The following IL1RAPL1 variants were observed in gnomAD, a reference collection of about 807,000 sequenced individuals.
IL1RAPL1 encodes interleukin 1 receptor accessory protein like 1, also known as interleukin-1 receptor accessory protein-like 1.
Under a neutral mutation model 48.4 loss-of-function variants are expected in IL1RAPL1, and 3 were observed. The ratio of observed to expected loss-of-function variants is 0.06; its 90% CI spans 0.03 to 0.16. The LOEUF (loss-of-function observed/expected upper bound fraction) is 0.16. IL1RAPL1 is among the 10% of genes least tolerant of loss of function. IL1RAPL1 has a pLI of 1.00. For synonymous variants in IL1RAPL1, 185 were observed against 187.7 expected (o/e 0.99, Z 0.12); for missense variants, 349 against 530.6 (o/e 0.66, Z 3.36).
intron 2 of IL1RAPL1, among the ~76,000 whole-genome samples, chrX:28,972,811 C>T (rs1925117683): frequency 9.0e-6 from 1 of 111,255 alleles, no homozygotes; most frequent in South Asian, 3.8e-4. Flanking sequence ...CGGGCATTTT[C>T]CATTACACCT....
chrX:28,825,082 G>T (rs1165200311), intron 2 of IL1RAPL1, among the ~76,000 whole-genome samples: 1 of 111,616 alleles, frequency 9.0e-6, no homozygotes, highest in Non-Finnish European at 1.9e-5. Flanking sequence ...CAGAATTCTA[G>T]CATTTAGCAT....
At chrX:28,736,130 T>C in intron 1 of IL1RAPL1, among the ~76,000 whole-genome samples, 1 of 111,569 alleles carries the variant, frequency 9.0e-6, no homozygotes, top group Non-Finnish European at 1.9e-5. Flanking sequence ...ACAATCCTTG[T>C]TCATTAAAAT....
At chrX:29,265,156 G>A (rs1205972614) in intron 2 of IL1RAPL1, among the ~76,000 whole-genome samples, 2 of 110,685 alleles carry the variant, frequency 1.8e-5, no homozygotes, top group Non-Finnish European at 3.8e-5. Context: ...CAGGTGATCC[G>A]CCCACCTCGG....
chrX:28,618,604 G>A (rs1934248437), intron 1 of IL1RAPL1, among the ~76,000 whole-genome samples: 1 of 111,669 alleles, frequency 9.0e-6, no homozygotes, highest in Non-Finnish European at 1.9e-5. Context: ...TTATTGGATT[G>A]GACCAAGTGA....
intron 5 of IL1RAPL1, among the ~76,000 whole-genome samples, chrX:29,607,723 A>G (rs1405570186): frequency 9.0e-6 from 1 of 111,665 alleles, no homozygotes; most frequent in Non-Finnish European, 1.9e-5. Context: ...GCTGGCTGAT[A>G]TTTGTTTTAC....
At chrX:29,465,236 C>A (rs1297880658) in intron 5 of IL1RAPL1, among the ~76,000 whole-genome samples, 1 of 110,404 alleles carries the variant, frequency 9.1e-6, no homozygotes, top group Non-Finnish European at 1.9e-5. Flanking sequence ...GAGTCCCTGT[C>A]TCTACAAAAA....
intron 5 of IL1RAPL1, among the ~76,000 whole-genome samples, chrX:29,517,600 T>C (rs1935460016): frequency 8.9e-6 from 1 of 111,821 alleles, no homozygotes; most frequent in Non-Finnish European, 1.9e-5. Context: ...GACATCATCA[T>C]ATTCATGATT....
intron 1 of IL1RAPL1, among the ~76,000 whole-genome samples, chrX:28,762,813 CACACACACACAGAGAGAGAGAGAGAG>C (rs778601828): frequency 0.073 from 7,156 of 98,565 alleles, 215 homozygotes; most frequent in Middle Eastern, 0.2. Flanking sequence ...CACACACACA[CACACACACACAGAGAGAGAGAGAGAG>C]AGAGAGAGAG....
chrX:29,882,796 T>C (rs974506861), intron 6 of IL1RAPL1, among the ~76,000 whole-genome samples: 2 of 111,911 alleles, frequency 1.8e-5, no homozygotes, highest in African/African-American at 6.5e-5. Flanking sequence ...GGCATACATT[T>C]CAACGTATGC....
chrX:29,586,214 A>G (rs1360312930), intron 5 of IL1RAPL1, among the ~76,000 whole-genome samples: 2 of 111,137 alleles, frequency 1.8e-5, no homozygotes, highest in Non-Finnish European at 3.8e-5. Context: ...TTTTGAGTTT[A>G]TTTTTCTGTA....
chrX:29,678,311 T>C (rs1018013077), intron 6 of IL1RAPL1, among the ~76,000 whole-genome samples: 1 of 104,266 alleles, frequency 9.6e-6, no homozygotes, highest in Non-Finnish European at 2.0e-5. Flanking sequence ...AGAGGCTTCC[T>C]TCCAATTCAC....
intron 9 of IL1RAPL1, among the ~76,000 whole-genome samples, chrX:29,948,818 C>T (rs1158525359): frequency 3.2e-5 from 3 of 94,936 alleles, no homozygotes; most frequent in Admixed American, 1.2e-4. Context: ...TTATGTGATT[C>T]ATATATACTT....
chrX:28,910,948 A>G (rs1223328914), intron 2 of IL1RAPL1, among the ~76,000 whole-genome samples: 2 of 111,712 alleles, frequency 1.8e-5, no homozygotes, highest in Non-Finnish European at 3.8e-5. Flanking sequence ...AAAGTTACTT[A>G]TTGAGGCTCA....
chrX:29,687,468 G>A (rs1387467733), intron 6 of IL1RAPL1, among the ~76,000 whole-genome samples: 2 of 111,481 alleles, frequency 1.8e-5, no homozygotes, highest in African/African-American at 6.5e-5. Flanking sequence ...TGGAAGTAGG[G>A]AGTAGAATAG....
intron 5 of IL1RAPL1, among the ~76,000 whole-genome samples, chrX:29,545,835 G>A (rs1225723455): frequency 9.0e-6 from 1 of 111,213 alleles, no homozygotes; most frequent in Non-Finnish European, 1.9e-5. Context: ...TTTTCTCTTG[G>A]GTAAGAAGTA....
At chrX:29,765,245 CTT>C (rs68094158) in intron 6 of IL1RAPL1, among the ~76,000 whole-genome samples, 8,853 of 81,572 alleles carry the variant, frequency 0.11, 914 homozygotes, top group African/African-American at 0.31. Context: ...TAGTTCTAGG[CTT>C]TTTTTTTTTT....
At chrX:28,734,928 A>G (rs1288085943) in intron 1 of IL1RAPL1, among the ~76,000 whole-genome samples, 1 of 112,230 alleles carries the variant, frequency 8.9e-6, no homozygotes, top group Admixed American at 9.5e-5. Flanking sequence ...TGCATGATAT[A>G]GGCAGTGAAC....
chrX:29,528,770 C>T (rs185648411), intron 5 of IL1RAPL1, among the ~76,000 whole-genome samples: 1 of 112,116 alleles, frequency 8.9e-6, no homozygotes, highest in East Asian at 2.8e-4. Context: ...AAAACCTCTT[C>T]ACCTTTGTTA....
intron 1 of IL1RAPL1, among the ~76,000 whole-genome samples, chrX:28,607,118 TTAGTC>T (rs1016189786): frequency 4.6e-5 from 5 of 109,146 alleles, no homozygotes; most frequent in African/African-American, 6.7e-5. Flanking sequence ...ATCTAGTTGC[TTAGTC>T]TAATCAAATA....
Sources: allele counts gnomAD v4.1 joint callset (sites outside exome capture counted in the v4.1 genomes callset), GRCh38; gene constraint gnomAD v4.1.1; transcripts MANE v1.5; gene names NCBI Gene and HGNC (gene_info 2026-07-23, HGNC 2026-07-21).